The following BST1 variants were observed in gnomAD, a reference collection of about 807,000 sequenced individuals.
BST1 encodes the protein bone marrow stromal cell antigen 1, also known as ADP-ribosyl cyclase/cyclic ADP-ribose hydrolase 2.
A neutral mutation model predicts 40.6 loss-of-function variants in BST1; 49 were observed. The ratio of observed to expected loss-of-function variants is 1.21; its 90% CI spans 0.96 to 1.53. BST1 has a LOEUF of 1.53. Among genes scored for constraint, BST1 ranks in the 40% most tolerant of loss-of-function variants. The pLI, the probability that BST1 is intolerant of heterozygous loss-of-function variation, is 0.00. For synonymous variants in BST1, 157 were observed against 159.3 expected, an observed-to-expected ratio of 0.99 and a Z score of 0.11; for missense variants, 423 against 395.9, an observed-to-expected ratio of 1.07 and a Z score of -0.58.
At chr4:15,717,327 C>T (rs1351956887) in intron 6 of BST1, among the ~76,000 whole-genome samples, 1 of 152,190 alleles carries the variant, frequency 6.6e-6, no homozygotes, top group Non-Finnish European at 1.5e-5. Flanking sequence ...TACACTCCCC[C>T]TCTATTAATT....
the BST1 span, chr4:15,743,363 T>C: frequency 3.0e-6 from 1 of 338,532 alleles, no homozygotes; most frequent in Non-Finnish European, 5.7e-6. Context: ...CTTCGGTGGA[T>C]GAGACTAATC....
At chr4:15,741,447 C>T (rs564487599), downstream of BST1, among the ~76,000 whole-genome samples, 2 of 152,272 alleles carry the variant, frequency 1.3e-5, no homozygotes, top group South Asian at 2.1e-4. Context: ...TGTTCACATC[C>T]TCAATAACCT....
intron 7 of BST1, among the ~76,000 whole-genome samples, chr4:15,721,557 C>A (rs1720810144): frequency 6.6e-6 from 1 of 151,122 alleles, no homozygotes; most frequent in South Asian, 2.1e-4. Context: ...ATCCCAAGGA[C>A]AGAAAACCAA....
At chr4:15,731,512 T>C (rs927002148) in intron 8 of BST1, 3 of 1,051,506 alleles carry the variant, frequency 2.9e-6, no homozygotes, top group African/African-American at 3.2e-5. Context: ...GTCATAGTTC[T>C]TGAAGCTGAT....
chr4:15,709,088 A>G (rs1320526792), intron 3 of BST1, among the ~76,000 whole-genome samples: 3 of 152,354 alleles, frequency 2.0e-5, no homozygotes, highest in Admixed American at 6.5e-5. Flanking sequence ...AGTGAAATAT[A>G]CAGACTGCCT....
At chr4:15,740,227 G>A (rs530023652), downstream of BST1, among the ~76,000 whole-genome samples, 195 of 152,230 alleles carry the variant, frequency 1.3e-3, 1 homozygote, top group Non-Finnish European at 2.1e-3. Context: ...CTAATTTTTT[G>A]TATTCTTTTT....
At chr4:15,728,320 A>G in intron 8 of BST1, among the ~76,000 whole-genome samples, 1 of 152,190 alleles carries the variant, frequency 6.6e-6, no homozygotes, top group East Asian at 1.9e-4. Flanking sequence ...TGGTAAATTT[A>G]GGGACAATCT....
rs996724753 is a variant in BST1 at position 15,705,651 on chromosome 4, C to A, written c.315+10C>A. 1.2e-6 allele frequency: 2 copies of A among 1,613,862 alleles called. No homozygotes were observed. Among genetic ancestry groups the A allele is most frequent in the East Asian group, 2.2e-5 (1 of 44,856 alleles). The stretch of plus-strand genomic sequence containing the variant: ...TATTCCCAGAGATAAGGTAACACCA[C>A]AACCATCTTGGGTAAAACTGTGTTC... On this transcript the variant is annotated intron_variant, in intron 2 of 8. Coordinates refer to ENST00000265016, the MANE Select transcript of BST1 (RefSeq NM_004334.3).
intron 3 of BST1, among the ~76,000 whole-genome samples, chr4:15,708,595 C>G (rs1351332962): frequency 1.3e-5 from 2 of 152,006 alleles, no homozygotes; most frequent in African/African-American, 4.8e-5. Context: ...AACCTAATAT[C>G]AGGCCGGGCA....
intron 5 of BST1, 67 bp from the exon 6 acceptor site, chr4:15,715,640 G>A (rs1720470319): frequency 1.8e-6 from 2 of 1,127,358 alleles, no homozygotes; most frequent in Non-Finnish European, 2.5e-6. Context: ...GAAAGGTAAT[G>A]TGTAAATTAA....
the BST1 span, among the ~76,000 whole-genome samples, chr4:15,744,317 A>T: frequency 2.0e-5 from 3 of 152,126 alleles, no homozygotes; most frequent in East Asian, 5.8e-4. Context: ...GTGGTTGGGG[A>T]GGCCTCAGGA....
chr4:15,765,897 C>A, the BST1 span, among the ~76,000 whole-genome samples: 1 of 151,976 alleles, frequency 6.6e-6, no homozygotes, highest in Non-Finnish European at 1.5e-5. Context: ...TATTATATGT[C>A]GATTCCCCTT....
At chr4:15,746,335 G>A in the BST1 span, among the ~76,000 whole-genome samples, 4 of 152,164 alleles carry the variant, frequency 2.6e-5, no homozygotes, top group African/African-American at 4.8e-5. Context: ...TTACACTTGT[G>A]TCTTAGTTTA....
intron 2 of BST1, 65 bp downstream of exon 2, chr4:15,705,706 G>C: frequency 6.3e-7 from 1 of 1,582,276 alleles, no homozygotes; most frequent in Non-Finnish European, 8.7e-7. Flanking sequence ...ATGGTGCATG[G>C]GCCAGGTTGA....
chr4:15,704,390 G>T (rs1719758241), intron 1 of BST1, among the ~76,000 whole-genome samples: 1 of 116,280 alleles, frequency 8.6e-6, no homozygotes, highest in South Asian at 3.0e-4. Flanking sequence ...GTGTGTTCTA[G>T]AGGTAAGGGA....
the BST1 span, among the ~76,000 whole-genome samples, chr4:15,757,114 T>C: frequency 6.6e-6 from 1 of 152,166 alleles, no homozygotes; most frequent in African/African-American, 2.4e-5. Context: ...TTATTCACCT[T>C]ATATTTCCTC....
chr4:15,703,347 C>T lies in BST1; in HGVS notation c.188+15C>T. On this transcript the variant is annotated intron_variant, in intron 1 of 8. Coordinates refer to ENST00000265016, the MANE Select transcript of BST1 (RefSeq NM_004334.3). ...CCCGAGCAGCGGTGAGGCAGTCGGCCGGGTGGAAGGGGAGCCGGAAAGAGG... is the reference window on the plus strand; with the variant it reads ...CCCGAGCAGCGGTGAGGCAGTCGGCTGGGTGGAAGGGGAGCCGGAAAGAGG... The T allele has an allele frequency of 3.2e-6, 4 of 1,252,898 alleles. No homozygotes were observed. Among genetic ancestry groups the T allele is most frequent in the Non-Finnish European group, 4.1e-6 (4 of 984,246 alleles). 77.6% of individuals were successfully genotyped at this position (1,252,898 alleles called of 1,614,324 possible).
intron 8 of BST1, among the ~76,000 whole-genome samples, chr4:15,723,224 A>T (rs1720908972): frequency 6.6e-6 from 1 of 152,168 alleles, no homozygotes; most frequent in East Asian, 1.9e-4. Context: ...CTGTAGAGCA[A>T]TCTGTAGGAT....
intron 3 of BST1, among the ~76,000 whole-genome samples, chr4:15,709,472 A>G (rs1720067424): frequency 6.6e-6 from 1 of 152,212 alleles, no homozygotes; most frequent in Non-Finnish European, 1.5e-5. Context: ...TCCACGTCAA[A>G]TGGACACAGC....
Sources: gnomAD v4.1 joint callset for allele counts (sites outside exome capture counted in the v4.1 genomes callset) on GRCh38, gnomAD v4.1.1 for gene constraint, MANE v1.5 for transcripts, NCBI Gene and HGNC (gene_info 2026-07-23, HGNC 2026-07-21) for gene names.